ZNF672: variants seen among roughly 807,000 people sequenced by gnomAD.
The protein encoded by ZNF672 is hypothetical protein FLJ22301.
For missense variants in ZNF672, 733 were observed against 701.1 expected (o/e 1.05, Z -0.51); for synonymous variants, 358 against 305.6 (o/e 1.17, Z -1.79).
In ZNF672 at chr1:248,848,409, G is replaced by T; in HGVS notation, c.1135G>T (p.Ala379Ser). The change falls in exon 4 of 4, where the codon GCC becomes TCC. Residue 379 changes from alanine (A) to serine (S), a missense_variant. By Grantham distance (99) the Ala-to-Ser change is moderately conservative. Coordinates refer to ENST00000306562, the MANE Select transcript of ZNF672 (RefSeq NM_024836.3). Reference protein sequence around the residue: ...CPECSKAFSVASKLALHRKTH... With the variant: ...CPECSKAFSVSSKLALHRKTH... Reference sequence around the variant, plus strand: ...CGAGTGCAGCAAGGCCTTCAGCGTCGCCTCCAAGCTTGCACTGCACCGCAA... The same window carrying T: ...CGAGTGCAGCAAGGCCTTCAGCGTCTCCTCCAAGCTTGCACTGCACCGCAA... 2 of 1,605,396 alleles carry T rather than the reference G, an allele frequency of 1.2e-6. No individual in the cohort carries two copies. Among genetic ancestry groups the T allele is most frequent in the Non-Finnish European group, 8.5e-7 (1 of 1,179,786 alleles).
rs151064259 is a variant in ZNF672, at chr1:248,844,332, C to G, written c.-474-151C>G. On this transcript the variant is annotated intron_variant, in intron 1 of 3. Coordinates refer to ENST00000306562, the MANE Select transcript of ZNF672 (RefSeq NM_024836.3). ...AATTCACACGTAATTTCCCCCTTCC[C>G]TCTTTCCAAACTTTCCTGTACTTTT... is the stretch of plus-strand genomic sequence containing the variant. Among the ~76,000 whole-genome samples, 154 of 152,298 alleles carry G rather than the reference C, an allele frequency of 1.0e-3. 3 individuals are homozygous for G. In the East Asian group the frequency reaches 0.028, roughly 28 times the overall value.
intron 1 of ZNF672, among the ~76,000 whole-genome samples, chr1:248,840,307 G>T (rs906119536): frequency 1.3e-5 from 2 of 151,600 alleles, no homozygotes; most frequent in African/African-American, 4.9e-5. Flanking sequence ...GGCCAGGCTG[G>T]TCTCGAACTC....
chr1:248,839,764 A>C (rs1031803684), intron 1 of ZNF672, among the ~76,000 whole-genome samples: 4 of 103,232 alleles, frequency 3.9e-5, no homozygotes, highest in African/African-American at 1.6e-4. Flanking sequence ...TTTGAGACGG[A>C]GTCTTGCTCT....
rs1430921542 is a variant in ZNF672, at chr1:248,848,846, A to G, written c.*213A>G. ...GGCCCTTTTGCCATGCTGTCCTCGT[A>G]TAACTCGGATTCTCTCCTCAGGTGT... On this transcript the variant is annotated 3_prime_UTR_variant, in exon 4 of 4. Transcript: ENST00000306562. 3.9e-6 allele frequency: 3 copies of G among 771,690 alleles called. No homozygotes were observed. Among genetic ancestry groups the G allele is most frequent in the Non-Finnish European group, 6.9e-6 (3 of 436,210 alleles). 47.8% of individuals were successfully genotyped at this position (771,690 alleles called of 1,614,324 possible). A position where few individuals can be genotyped will look rare whatever the true frequency, so the allele number is the denominator to read the frequency against.
At chr1:248,838,755 C>T (rs554370642) in intron 1 of ZNF672, 2 of 152,304 alleles carry the variant, frequency 1.3e-5, no homozygotes, top group African/African-American at 2.4e-5. Context: ...AGGCCTTCCC[C>T]TCCGCCTGTC....
chr1:248,847,532 C>T lies in ZNF672; in HGVS notation c.258C>T (p.Asp86=), dbSNP rs1231309248. The T allele has an allele frequency of 3.8e-6, 6 of 1,595,678 alleles. No individual in the cohort carries two copies. Among genetic ancestry groups the T allele is most frequent in the East Asian group, 2.3e-5 (1 of 43,522 alleles). Residue 86 remains aspartate, a synonymous_variant, in exon 4 of 4, where the codon GAC becomes GAT. Transcript: ENST00000306562. The part of the protein sequence containing the change: ...GQSFRHSGRL[D]LHLGAHRQRC... ...GCTTCCGCCACAGCGGCCGTCTTGACCTACACTTGGGCGCACACCGGCAGC... is the reference window on the plus strand; with the variant it reads ...GCTTCCGCCACAGCGGCCGTCTTGATCTACACTTGGGCGCACACCGGCAGC...
At position 248,848,020 on chromosome 1, in the gene ZNF672, A is replaced by G; in HGVS notation, c.746A>G (p.His249Arg). 6.4e-7 allele frequency: 1 copy of G among 1,556,050 alleles called. No homozygotes were observed. The highest frequency in any genetic ancestry group is 8.7e-7 in the Non-Finnish European group (1 of 1,150,908). Residue 249 changes from histidine (H) to arginine (R), a missense_variant, in exon 4 of 4, where the codon CAC becomes CGC. Coordinates refer to ENST00000306562, the MANE Select transcript of ZNF672 (RefSeq NM_024836.3). ...ACGCTGGTGCGCCACCAGCGCACAC[A>G]CACGGGCGAGAAGCCGTACGCATGT... ...SATLVRHQRTHTGEKPYACGD... is the reference protein window; with the variant it reads ...SATLVRHQRTRTGEKPYACGD...
rs149469775 is a variant in ZNF672 at position 248,845,114 on chromosome 1, T to C, written c.-320-452T>C. On this transcript the variant is annotated intron_variant, in intron 2 of 3. Coordinates refer to ENST00000306562, the MANE Select transcript of ZNF672 (RefSeq NM_024836.3). ...CCCGTCTCTACTAAAAATACAAAAA[T>C]TAGCCAGACACAGTGTCACGTGCCT... is the stretch of plus-strand genomic sequence containing the variant. Among the ~76,000 whole-genome samples the C allele has an allele frequency of 5.7e-3, 868 of 152,198 alleles. 12 individuals carry two copies. Among genetic ancestry groups the C allele is most frequent in the Middle Eastern group, 0.02 (6 of 294 alleles).
At chr1:248,841,393 G>A (rs1572195964) in intron 1 of ZNF672, among the ~76,000 whole-genome samples, 1 of 152,116 alleles carries the variant, frequency 6.6e-6, no homozygotes, top group Non-Finnish European at 1.5e-5. Flanking sequence ...CAGAAGGACA[G>A]GACAAGCTCC....
intron 1 of ZNF672, among the ~76,000 whole-genome samples, chr1:248,842,186 CTGCTTCCTG>C (rs1230664601): frequency 6.6e-6 from 1 of 152,142 alleles, no homozygotes; most frequent in African/African-American, 2.4e-5. Context: ...AGAGGAATCC[CTGCTTCCTG>C]TTACATTCAC....
In ZNF672 at chr1:248,848,721, G is replaced by A; in HGVS notation, c.*88G>A. The A allele has an allele frequency of 6.8e-7, 1 of 1,471,912 alleles. No homozygotes were observed. Among genetic ancestry groups the A allele is most frequent in the Non-Finnish European group, 9.0e-7 (1 of 1,108,538 alleles). The allele number at this position is 1,471,912 out of a possible 1,614,324, so 91.2% of individuals were successfully genotyped here. A position where few individuals can be genotyped will look rare whatever the true frequency, so the allele number is the denominator to read the frequency against. Reference sequence around the variant, plus strand: ...GGGACAGTTGAGGCAACTCGTAGATGGAGATTTGGGAAAAGACGATGTGGC... The same window carrying A: ...GGGACAGTTGAGGCAACTCGTAGATAGAGATTTGGGAAAAGACGATGTGGC... On this transcript the variant is annotated 3_prime_UTR_variant, in exon 4 of 4. Transcript: ENST00000306562.
rs1269247265 is a variant in ZNF672, at chr1:248,849,014, G to A, written c.*381G>A. ...TCTTCTCTTGTCCTATCTCATTCCA[G>A]CCCACATCTTCTCCTTTCCTGATTA... On this transcript the variant is annotated 3_prime_UTR_variant, in exon 4 of 4. Coordinates refer to ENST00000306562, the MANE Select transcript of ZNF672 (RefSeq NM_024836.3). 1 of 520,614 alleles carries A rather than the reference G, an allele frequency of 1.9e-6. No individual in the cohort carries two copies. Among genetic ancestry groups the A allele is most frequent in the East Asian group, 5.4e-5 (1 of 18,392 alleles). The allele number at this position is 520,614 out of a possible 1,614,324, so 32.2% of individuals were successfully genotyped here.
In ZNF672 at chr1:248,847,790, C is replaced by G. The variant is rs574226745; in HGVS notation, c.516C>G (p.Phe172Leu). The stretch of plus-strand genomic sequence containing the variant: ...GCTGCGCGCAGTGCCCGCGAGCCTT[C>G]CGAAGCGGCGCCGGGCTGCGGAGTC... Reference protein sequence around the residue: ...PHRCAQCPRAFRSGAGLRSHA... With the variant: ...PHRCAQCPRALRSGAGLRSHA... Residue 172 changes from phenylalanine to leucine, a missense_variant, in exon 4 of 4, where the codon TTC becomes TTG. By Grantham distance (22) the Phe-to-Leu change is conservative. Coordinates refer to ENST00000306562, the MANE Select transcript of ZNF672 (RefSeq NM_024836.3). 5.1e-5 allele frequency: 78 copies of G among 1,539,496 alleles called. 1 individual carries two copies. The Admixed American group carries it at 1.3e-3, about 26-fold the overall frequency.
chr1:248,841,482 T>A (rs1330156039), intron 1 of ZNF672, among the ~76,000 whole-genome samples: 1 of 152,196 alleles, frequency 6.6e-6, no homozygotes, highest in Non-Finnish European at 1.5e-5. Flanking sequence ...CTATGTATGT[T>A]CTCTCCTTGC....
chr1:248,848,258 G>A lies in ZNF672; in HGVS notation c.984G>A (p.Lys328=). 1 of 1,602,020 alleles carries A rather than the reference G, an allele frequency of 6.2e-7. No homozygotes were observed. Residue 328 remains lysine, a synonymous_variant, in exon 4 of 4, where the codon AAG becomes AAA. Transcript: ENST00000306562. ...RRFSDRSDLT[K]HRRTHTGEKP... ...TCAGCGACCGCTCGGACCTCACCAA[G>A]CACCGGCGCACGCACACGGGCGAGA...
intron 1 of ZNF672, among the ~76,000 whole-genome samples, chr1:248,841,521 G>A (rs1664679476): frequency 6.6e-6 from 1 of 152,140 alleles, no homozygotes; most frequent in Admixed American, 6.5e-5. Context: ...GTCTCAAAAG[G>A]ACAGGGCAAG....
chr1:248,847,149 G>C lies in ZNF672; in HGVS notation c.-126G>C. ...CCCTGAAATCAGACCAGTTTTTGCG[G>C]CCTCCCCCTTTCCTCTCTGTTACAG... On this transcript the variant is annotated 5_prime_UTR_variant, in exon 4 of 4. Coordinates refer to ENST00000306562, the MANE Select transcript of ZNF672 (RefSeq NM_024836.3). The C allele has an allele frequency of 7.6e-7, 1 of 1,318,538 alleles. No individual in the cohort carries two copies. Among genetic ancestry groups the C allele is most frequent in the Non-Finnish European group, 1.0e-6 (1 of 984,648 alleles). 81.7% of individuals were successfully genotyped at this position (1,318,538 alleles called of 1,614,324 possible).
intron 1 of ZNF672, 195 bp downstream of exon 1, chr1:248,838,746 G>GGCCTTCCC (rs1421398258): frequency 2.6e-5 from 4 of 152,340 alleles, no homozygotes; most frequent in Non-Finnish European, 5.9e-5. Flanking sequence ...GCTCCTCCCA[G>GGCCTTCCC]GCCTTCCCCT....
At chr1:248,841,290 G>C (rs1664675823) in intron 1 of ZNF672, among the ~76,000 whole-genome samples, 1 of 152,238 alleles carries the variant, frequency 6.6e-6, no homozygotes, top group Non-Finnish European at 1.5e-5. Flanking sequence ...CCAAGTCCTT[G>C]CTAGGCCCAG....
Sources: allele counts gnomAD v4.1 joint callset (sites outside exome capture counted in the v4.1 genomes callset), GRCh38; gene constraint gnomAD v4.1.1; transcripts MANE v1.5; gene names NCBI Gene and HGNC (gene_info 2026-07-23, HGNC 2026-07-21).